The following TMEM221 variants were observed in gnomAD, a reference collection of about 807,000 sequenced individuals.
TMEM221 encodes the protein transmembrane protein 221, also known as Putative transmembrane protein ENSP00000342162.
A neutral mutation model predicts 10.2 loss-of-function variants in TMEM221; 11 were observed. That is an observed-to-expected ratio of 1.08 (90% CI 0.68 to 1.79). The LOEUF (loss-of-function observed/expected upper bound fraction) is 1.79, where lower values mean the gene tolerates loss of function less well. Among genes scored for constraint, TMEM221 ranks in the 40% most tolerant of loss-of-function variants. The pLI is 0.00. For synonymous variants in TMEM221, 172 were observed against 199.8 expected (o/e 0.86, Z 1.18); for missense variants, 382 against 417.7 (o/e 0.91, Z 0.75).
At position 17,448,508 on chromosome 19, in the gene TMEM221, G is replaced by A; in HGVS notation, c.-46C>T. The A allele has an allele frequency of 1.4e-6, 2 of 1,406,450 alleles. No individual in the cohort carries two copies. Among genetic ancestry groups the A allele is most frequent in the Admixed American group, 2.9e-5 (1 of 34,634 alleles). 87.1% of individuals were successfully genotyped at this position (1,406,450 alleles called of 1,614,324 possible). A position where few individuals can be genotyped will look rare whatever the true frequency, so the allele number is the denominator to read the frequency against. ...GGGGGAAGAGTTGAGGAATTGAAGT[G>A]GTTTTAGAGGGCAGGGGAGTTGGGG... On this transcript the variant is annotated 5_prime_UTR_variant, in exon 1 of 3. Transcript: ENST00000341130. This position sits in a 1 kb window ranked among gnomAD's most constrained non-coding sequence, Gnocchi z 4.7.
At chr19:17,440,286 G>A (rs1034465679) in intron 2 of TMEM221, among the ~76,000 whole-genome samples, 7 of 147,698 alleles carry the variant, frequency 4.7e-5, no homozygotes, top group African/African-American at 1.8e-4. Flanking sequence ...GAGTGCAGTG[G>A]CGCAATCTCG....
chr19:17,436,807 G>A lies in TMEM221; in HGVS notation c.527C>T (p.Ala176Val). The A allele has an allele frequency of 6.6e-7, 1 of 1,510,742 alleles. No homozygotes were observed. The highest frequency in any genetic ancestry group is 8.8e-7 in the Non-Finnish European group (1 of 1,131,744). 93.6% of individuals were successfully genotyped at this position (1,510,742 alleles called of 1,614,324 possible). ...AVLTHTLLRA[A>V]RAARRGLHEL... ...ATGGAGCCCACGGCGGGCAGCCCGGGCAGCCCGGAGGAGAGTGTGGGTCAG... is the reference window on the plus strand; with the variant it reads ...ATGGAGCCCACGGCGGGCAGCCCGGACAGCCCGGAGGAGAGTGTGGGTCAG... The change falls in exon 3 of 3, where the codon GCC (alanine) becomes GTC (valine). Residue 176 changes from alanine to valine, a missense_variant. Ala to Val is a moderately conservative substitution (Grantham distance 64, BLOSUM62 0). Transcript: ENST00000341130.
intron 1 of TMEM221, among the ~76,000 whole-genome samples, chr19:17,447,932 C>G (rs2074958871): frequency 6.6e-6 from 1 of 152,186 alleles, no homozygotes; most frequent in African/African-American, 2.4e-5. Flanking sequence ...GTGGTTGCAC[C>G]TGCTGCAAAA....
At chr19:17,445,675 TATCCATTC>T (rs1355582063) in intron 1 of TMEM221, among the ~76,000 whole-genome samples, 5 of 148,732 alleles carry the variant, frequency 3.4e-5, no homozygotes, top group East Asian at 2.0e-4. Flanking sequence ...TCCATCCATT[TATCCATTC>T]ATCCATTCAT....
At position 17,448,554 on chromosome 19, in the gene TMEM221, G is replaced by A; in HGVS notation, c.-92C>T. 3 of 1,017,934 alleles carry A rather than the reference G, an allele frequency of 2.9e-6. No individual in the cohort carries two copies. Among genetic ancestry groups the A allele is most frequent in the Non-Finnish European group, 2.6e-6 (2 of 770,216 alleles). 63.1% of individuals were successfully genotyped at this position (1,017,934 alleles called of 1,614,324 possible). A position where few individuals can be genotyped will look rare whatever the true frequency, so the allele number is the denominator to read the frequency against. On this transcript the variant is annotated 5_prime_UTR_variant, in exon 1 of 3. Transcript: ENST00000341130. This position sits in a 1 kb window ranked among gnomAD's most constrained non-coding sequence, Gnocchi z 4.7. Reference sequence around the variant, plus strand: ...TGGGGGGAATCCGAGGGTCCTCAGGGGGTCCCCGAGGGGGCGGGGCCGCAG... The same window carrying A: ...TGGGGGGAATCCGAGGGTCCTCAGGAGGTCCCCGAGGGGGCGGGGCCGCAG...
At chr19:17,444,014 G>A (rs1040201485) in intron 2 of TMEM221, among the ~76,000 whole-genome samples, 1 of 150,012 alleles carries the variant, frequency 6.7e-6, no homozygotes, top group Non-Finnish European at 1.5e-5. Flanking sequence ...TTTTGAGCTG[G>A]AGATTGATAT....
At chr19:17,439,377 A>T (rs142686300) in intron 2 of TMEM221, among the ~76,000 whole-genome samples, 313 of 152,020 alleles carry the variant, frequency 2.1e-3, no homozygotes, top group African/African-American at 7.1e-3. Context: ...GGTGTCATTG[A>T]TCTGAAATGT....
chr19:17,442,260 T>C (rs1427339431), intron 2 of TMEM221, among the ~76,000 whole-genome samples: 1 of 151,684 alleles, frequency 6.6e-6, no homozygotes, highest in East Asian at 1.9e-4. Context: ...TTATTATTAT[T>C]ATCAACAACA....
rs372600511 is a variant in TMEM221, at chr19:17,441,616, C to CAG, written c.406+3581_406+3582dup. On this transcript the variant is annotated intron_variant, in intron 2 of 2. Transcript: ENST00000341130. ...ATTACATGGCCCAAGCTCAGCCTAT[C>CAG]AGAGTCAGCCCTGAGACTTTAGCCT... is the stretch of plus-strand genomic sequence containing the variant. Among the ~76,000 whole-genome samples, 374 of 152,308 alleles carry CAG rather than the reference C, an allele frequency of 2.5e-3. 2 individuals carry two copies. The highest frequency in any genetic ancestry group is 8.4e-3 in the African/African-American group (350 of 41,564).
At chr19:17,441,283 A>C (rs2074930901) in intron 2 of TMEM221, among the ~76,000 whole-genome samples, 1 of 151,434 alleles carries the variant, frequency 6.6e-6, no homozygotes, top group African/African-American at 2.4e-5. Context: ...TCTCCAGCAT[A>C]CAGTTGGCAC....
chr19:17,440,778 G>A (rs1006594617), intron 2 of TMEM221, among the ~76,000 whole-genome samples: 1 of 152,134 alleles, frequency 6.6e-6, no homozygotes, highest in African/African-American at 2.4e-5. Context: ...CTGGGGTGGG[G>A]GTGAGGGTCA....
Position 17,445,369 on chromosome 19 carries a change from G to A in TMEM221, c.321-85C>T, listed in dbSNP as rs1435189771. 1.5e-5 allele frequency: 17 copies of A among 1,134,572 alleles called. No homozygotes were observed. In the East Asian group the frequency reaches 2.1e-4, roughly 14 times the overall value. The allele number at this position is 1,134,572 out of a possible 1,614,324, so 70.3% of individuals were successfully genotyped here. On this transcript the variant is annotated intron_variant, in intron 1 of 2. Transcript: ENST00000341130. ...TCAGTGAGGACAGGGAGGGAGAGCC[G>A]CTTAAATGAGACAAGGACCCAGCTT...
chr19:17,439,080 G>C, intron 2 of TMEM221, among the ~76,000 whole-genome samples: 1 of 151,968 alleles, frequency 6.6e-6, no homozygotes, highest in African/African-American at 2.4e-5. Context: ...GGTGGCGGGC[G>C]CCTGCAGTCC....
At chr19:17,441,227 A>G (rs1020390602) in intron 2 of TMEM221, among the ~76,000 whole-genome samples, 4 of 151,612 alleles carry the variant, frequency 2.6e-5, no homozygotes, top group African/African-American at 4.9e-5. Flanking sequence ...AAAAAAAAAA[A>G]AAGAAGGGAC....
At chr19:17,443,456 G>C (rs1292245012) in intron 2 of TMEM221, among the ~76,000 whole-genome samples, 1 of 151,732 alleles carries the variant, frequency 6.6e-6, no homozygotes, top group East Asian at 1.9e-4. Flanking sequence ...CTCCCGAGTA[G>C]CTGGGATTAC....
chr19:17,436,073 AC>A lies in TMEM221; in HGVS notation c.*384del, dbSNP rs1283403086. ...AATGGATGGAGACACTTAGAGAATCACTGCCTAAGCCCCCCGCTCCCCTTAT... is the reference window on the plus strand; with the variant it reads ...AATGGATGGAGACACTTAGAGAATCATGCCTAAGCCCCCCGCTCCCCTTAT... On this transcript the variant is annotated 3_prime_UTR_variant, in exon 3 of 3. Coordinates refer to ENST00000341130, the MANE Select transcript of TMEM221 (RefSeq NM_001190844.2). 5.9e-6 allele frequency: 1 copy of A among 169,632 alleles called. No homozygotes were observed. Among genetic ancestry groups the A allele is most frequent in the East Asian group, 1.6e-4 (1 of 6,154 alleles). 10.5% of individuals were successfully genotyped at this position (169,632 alleles called of 1,614,324 possible).
At chr19:17,438,268 A>G (rs2074917808) in intron 2 of TMEM221, among the ~76,000 whole-genome samples, 1 of 151,928 alleles carries the variant, frequency 6.6e-6, no homozygotes, top group Non-Finnish European at 1.5e-5. Context: ...TTGTATTTTT[A>G]GTAGAGACAG....
At chr19:17,442,404 A>G (rs1017619058) in intron 2 of TMEM221, among the ~76,000 whole-genome samples, 3 of 150,612 alleles carry the variant, frequency 2.0e-5, no homozygotes, top group Non-Finnish European at 3.0e-5. Flanking sequence ...GTCTACAGGC[A>G]TGAACCACCA....
intron 2 of TMEM221, chr19:17,444,791 A>ATATAT (rs1408628531): frequency 1.0e-5 from 1 of 100,228 alleles, no homozygotes; most frequent in Non-Finnish European, 2.2e-5. Context: ...TTTAATAAAT[A>ATATAT]TATATTATAT....
Sources: gnomAD v4.1 joint callset for allele counts (sites outside exome capture counted in the v4.1 genomes callset) on GRCh38, gnomAD v4.1.1 for gene constraint, Gnocchi (gnomAD v3.1) non-coding constraint, MANE v1.5 for transcripts, NCBI Gene and HGNC (gene_info 2026-07-23, HGNC 2026-07-21) for gene names.